The following DLG1 variants were observed in gnomAD, a reference collection of about 807,000 sequenced individuals.
The protein encoded by DLG1 is disks large homolog 1.
DLG1 carries 42 observed loss-of-function variants against 123.4 expected under a neutral mutation model. The observed-to-expected ratio is 0.34, with a 90% CI of 0.27 to 0.44. The LOEUF is 0.44. Ranked by LOEUF, DLG1 falls within the 20% of genes least tolerant of loss-of-function variation. DLG1 has a pLI of 1.00. For missense variants in DLG1, 942 were observed against 1,082.6 expected (o/e 0.87, Z 1.82); for synonymous variants, 317 against 356.2 (o/e 0.89, Z 1.24).
intron 18 of DLG1, among the ~76,000 whole-genome samples, chr3:197,074,439 T>C (rs1745971815): frequency 1.3e-5 from 2 of 152,126 alleles, no homozygotes; most frequent in Non-Finnish European, 2.9e-5. Context: ...AACATCAATA[T>C]GGGAACCAAA....
At chr3:197,093,092 T>G (rs938983626) in intron 14 of DLG1, among the ~76,000 whole-genome samples, 3 of 152,144 alleles carry the variant, frequency 2.0e-5, no homozygotes, top group Admixed American at 6.6e-5. Context: ...TTTACATTTA[T>G]TCCATATTTT....
intron 5 of DLG1, among the ~76,000 whole-genome samples, chr3:197,162,719 AATTG>A (rs1224267401): frequency 6.6e-6 from 1 of 152,194 alleles, no homozygotes; most frequent in African/African-American, 2.4e-5. Context: ...ATTAACTCAA[AATTG>A]ATTAACAACC....
chr3:197,065,655 G>C, intron 21 of DLG1, 53 bp downstream of exon 21: 1 of 1,320,896 alleles, frequency 7.6e-7, no homozygotes, highest in South Asian at 1.2e-5. Context: ...CCCACACACA[G>C]TGACAGGAAA....
rs60307638 is a variant in DLG1 at position 197,226,999 on chromosome 3, TA to T, written c.319-32411del. On this transcript the variant is annotated intron_variant, in intron 4 of 24. Coordinates refer to ENST00000667157, the MANE Select transcript of DLG1 (RefSeq NM_001366207.1). Reference sequence around the variant, plus strand: ...TACATCTTATGCAGTACCTTCGCTATAATTTAAATGGACAGTATTTATTGAA... The same window carrying T: ...TACATCTTATGCAGTACCTTCGCTATATTTAAATGGACAGTATTTATTGAA... Among the ~76,000 whole-genome samples, 755 of 152,360 alleles carry T rather than the reference TA, an allele frequency of 5.0e-3. 3 individuals are homozygous for T. The highest frequency in any genetic ancestry group is 0.017 in the African/African-American group (719 of 41,584).
chr3:197,282,892 T>A, intron 3 of DLG1, 47 bp from the exon 4 acceptor site: 1 of 1,202,514 alleles, frequency 8.3e-7, no homozygotes, highest in Non-Finnish European at 1.2e-6. Flanking sequence ...ATTTTCTAAC[T>A]AAATTATGCA....
intron 14 of DLG1, among the ~76,000 whole-genome samples, chr3:197,094,602 A>C (rs2149215195): frequency 6.6e-6 from 1 of 152,324 alleles, no homozygotes; most frequent in African/African-American, 2.4e-5. Context: ...CAGAGCATAT[A>C]GCTTTTTCAT....
chr3:197,145,106 G>A (rs1433499922), intron 6 of DLG1, among the ~76,000 whole-genome samples: 1 of 151,922 alleles, frequency 6.6e-6, no homozygotes, highest in Non-Finnish European at 1.5e-5. Flanking sequence ...CTCAGTTTAG[G>A]AGGAGTAACT....
intron 4 of DLG1, among the ~76,000 whole-genome samples, chr3:197,216,666 G>C (rs1369628899): frequency 6.6e-6 from 1 of 152,182 alleles, no homozygotes; most frequent in Non-Finnish European, 1.5e-5. Flanking sequence ...CCCAGAAGGA[G>C]GTATTCGGCA....
At chr3:197,163,465 G>A (rs1206359576) in intron 5 of DLG1, among the ~76,000 whole-genome samples, 3 of 151,882 alleles carry the variant, frequency 2.0e-5, no homozygotes, top group Admixed American at 6.6e-5. Context: ...AAGAAACCAC[G>A]TGTCTATCAG....
intron 3 of DLG1, among the ~76,000 whole-genome samples, chr3:197,284,654 C>A (rs1019383299): frequency 6.6e-6 from 1 of 152,060 alleles, no homozygotes; most frequent in African/African-American, 2.4e-5. Flanking sequence ...TTATTTACTA[C>A]CCTGCGAAAA....
At chr3:197,089,390 G>A (rs1270442148) in intron 15 of DLG1, among the ~76,000 whole-genome samples, 1 of 152,050 alleles carries the variant, frequency 6.6e-6, no homozygotes, top group African/African-American at 2.4e-5. Context: ...AGCCAGGCAT[G>A]GTGGCATGTG....
intron 4 of DLG1, among the ~76,000 whole-genome samples, chr3:197,269,893 T>C (rs1763211738): frequency 6.6e-6 from 1 of 152,242 alleles, no homozygotes; most frequent in Non-Finnish European, 1.5e-5. Context: ...GCATATTGTA[T>C]TCATTTTAAA....
At chr3:197,099,424 T>A (rs907373845) in intron 14 of DLG1, among the ~76,000 whole-genome samples, 3 of 152,204 alleles carry the variant, frequency 2.0e-5, no homozygotes, top group African/African-American at 7.2e-5. Context: ...CTCCTAGAAT[T>A]ACATCAAAAC....
At chr3:197,231,619 G>A (rs1370372924) in intron 4 of DLG1, among the ~76,000 whole-genome samples, 2 of 151,492 alleles carry the variant, frequency 1.3e-5, no homozygotes, top group Non-Finnish European at 2.9e-5. Context: ...GAGTTGGCTT[G>A]AGTCTGGGAG....
At chr3:197,083,019 C>T (rs1752141467) in intron 16 of DLG1, among the ~76,000 whole-genome samples, 1 of 152,146 alleles carries the variant, frequency 6.6e-6, no homozygotes, top group South Asian at 2.1e-4. Context: ...ACTGACTCAA[C>T]AAGGCATAGA....
At chr3:197,259,452 C>T (rs559266732) in intron 4 of DLG1, among the ~76,000 whole-genome samples, 1 of 152,262 alleles carries the variant, frequency 6.6e-6, no homozygotes, top group Non-Finnish European at 1.5e-5. Context: ...CCTCTACTTT[C>T]AGAATTTACA....
intron 5 of DLG1, among the ~76,000 whole-genome samples, chr3:197,186,129 A>G (rs1715822523): frequency 6.6e-6 from 1 of 152,178 alleles, no homozygotes; most frequent in African/African-American, 2.4e-5. Flanking sequence ...GACCTACAAA[A>G]ATCTAGGAAC....
At chr3:197,052,965 ATTT>A (rs1241102737) in intron 23 of DLG1, among the ~76,000 whole-genome samples, 1 of 151,776 alleles carries the variant, frequency 6.6e-6, no homozygotes, top group African/African-American at 2.4e-5. Flanking sequence ...AATAATTATT[ATTT>A]TAAGTATGAT....
intron 22 of DLG1, among the ~76,000 whole-genome samples, chr3:197,064,721 T>C (rs1390525006): frequency 6.6e-6 from 1 of 152,218 alleles, no homozygotes; most frequent in Non-Finnish European, 1.5e-5. Flanking sequence ...TTGTTAATGG[T>C]GTTTTCCAAT....
Sources: allele counts gnomAD v4.1 joint callset (sites outside exome capture counted in the v4.1 genomes callset), GRCh38; gene constraint gnomAD v4.1.1; transcripts MANE v1.5; gene names NCBI Gene and HGNC (gene_info 2026-07-23, HGNC 2026-07-21).